CRYBG1: variants seen among roughly 807,000 people sequenced by gnomAD.
CRYBG1 encodes the protein crystallin beta-gamma domain containing 1.
Under a neutral mutation model 189.2 loss-of-function variants are expected in CRYBG1, and 139 were observed. That is an observed-to-expected ratio of 0.73 (90% CI 0.64 to 0.85). The LOEUF is 0.85. Among genes scored for constraint, CRYBG1 ranks in the 40% least tolerant of loss-of-function variants. The pLI, the probability that CRYBG1 is intolerant of heterozygous loss-of-function variation, is 0.00. For synonymous variants in CRYBG1, 1,023 were observed against 1,017.1 expected (o/e 1.01, Z -0.11); for missense variants, 2,611 against 2,675.8 (o/e 0.98, Z 0.53).
chr6:106,364,333 A>C (rs947475864), intron 1 of CRYBG1, among the ~76,000 whole-genome samples: 1 of 90,384 alleles, frequency 1.1e-5, no homozygotes, highest in Non-Finnish European at 2.5e-5. Context: ...ATCTCAAAAA[A>C]TAAAAAAAAA....
chr6:106,516,213 T>C (rs924239903), intron 3 of CRYBG1, among the ~76,000 whole-genome samples: 6 of 151,002 alleles, frequency 4.0e-5, no homozygotes, highest in African/African-American at 1.5e-4. Context: ...GCCTGTCCCT[T>C]CTAGAAGCTC....
intron 2 of CRYBG1, among the ~76,000 whole-genome samples, chr6:106,493,982 G>T (rs1324437321): frequency 1.3e-5 from 2 of 152,118 alleles, no homozygotes; most frequent in South Asian, 2.1e-4. Flanking sequence ...GGAAAAAAAA[G>T]AATATGTGGT....
At chr6:106,477,460 C>CTGAAGCAATGCA in intron 2 of CRYBG1, among the ~76,000 whole-genome samples, 1 of 152,176 alleles carries the variant, frequency 6.6e-6, no homozygotes, top group East Asian at 1.9e-4. Flanking sequence ...TCATGCTTAG[C>CTGAAGCAATGCA]TGAAGCAATG....
intron 8 of CRYBG1, among the ~76,000 whole-genome samples, chr6:106,533,808 T>C (rs1180876028): frequency 6.6e-6 from 1 of 152,084 alleles, no homozygotes; most frequent in Non-Finnish European, 1.5e-5. Flanking sequence ...CAACTGCAAA[T>C]TCAAGTAAGT....
chr6:106,414,275 T>C (rs1770981932), intron 1 of CRYBG1, among the ~76,000 whole-genome samples: 1 of 152,250 alleles, frequency 6.6e-6, no homozygotes, highest in Admixed American at 6.5e-5. Context: ...TAGCAACATA[T>C]CTGGTTTGCT....
At chr6:106,464,699 T>C (rs1772077710) in intron 2 of CRYBG1, among the ~76,000 whole-genome samples, 1 of 152,236 alleles carries the variant, frequency 6.6e-6, no homozygotes, top group Non-Finnish European at 1.5e-5. Flanking sequence ...GACAGTACCA[T>C]TAAAACCAGT....
At chr6:106,475,153 C>G (rs1474409482) in intron 2 of CRYBG1, among the ~76,000 whole-genome samples, 1 of 152,030 alleles carries the variant, frequency 6.6e-6, no homozygotes, top group Non-Finnish European at 1.5e-5. Context: ...AAAAATCACC[C>G]GAATGTTTCA....
chr6:106,482,663 T>C (rs755402094), intron 2 of CRYBG1, among the ~76,000 whole-genome samples: 1 of 152,052 alleles, frequency 6.6e-6, no homozygotes, highest in Non-Finnish European at 1.5e-5. Flanking sequence ...TATTCCCAGC[T>C]ACTTGGGAGG....
intron 2 of CRYBG1, among the ~76,000 whole-genome samples, chr6:106,457,658 G>A (rs2114447390): frequency 6.6e-6 from 1 of 152,266 alleles, no homozygotes; most frequent in Non-Finnish European, 1.5e-5. Flanking sequence ...TGAGCCCTTG[G>A]ACCTACCTTG....
intron 1 of CRYBG1, among the ~76,000 whole-genome samples, chr6:106,375,413 G>A (rs368321250): frequency 4.3e-4 from 61 of 140,488 alleles, no homozygotes; most frequent in African/African-American, 6.4e-4. Context: ...AAGTAAGTAA[G>A]TAAGTAAGTA....
At chr6:106,398,462 T>C (rs1337315247) in intron 1 of CRYBG1, among the ~76,000 whole-genome samples, 2 of 151,832 alleles carry the variant, frequency 1.3e-5, no homozygotes, top group African/African-American at 2.4e-5. Context: ...AATAAATAAA[T>C]AAATAAATAA....
At chr6:106,490,415 T>C (rs1772695312) in intron 2 of CRYBG1, among the ~76,000 whole-genome samples, 1 of 152,150 alleles carries the variant, frequency 6.6e-6, no homozygotes, top group South Asian at 2.1e-4. Context: ...CCTAATAAAA[T>C]AGATTGAGGA....
intron 1 of CRYBG1, among the ~76,000 whole-genome samples, chr6:106,410,515 C>T (rs1770909397): frequency 6.6e-6 from 1 of 152,188 alleles, no homozygotes. Context: ...CCAGCAATCC[C>T]ATTACTGGGT....
chr6:106,388,531 A>G (rs974187486), intron 1 of CRYBG1, among the ~76,000 whole-genome samples: 6 of 152,170 alleles, frequency 3.9e-5, no homozygotes, highest in African/African-American at 1.4e-4. Context: ...AATATTTTGA[A>G]TATGTAATTT....
chr6:106,531,428 A>C (rs1001168638), intron 8 of CRYBG1, among the ~76,000 whole-genome samples: 9 of 152,324 alleles, frequency 5.9e-5, no homozygotes, highest in African/African-American at 2.2e-4. Flanking sequence ...ATTCCATAGG[A>C]GGTCCCAGGA....
intron 2 of CRYBG1, among the ~76,000 whole-genome samples, chr6:106,473,961 T>C (rs1345601110): frequency 6.6e-6 from 1 of 152,244 alleles, no homozygotes; most frequent in Non-Finnish European, 1.5e-5. Flanking sequence ...TATGTCTTTA[T>C]AAGAAGAACA....
intron 1 of CRYBG1, among the ~76,000 whole-genome samples, chr6:106,412,167 A>G (rs1051519589): frequency 1.3e-5 from 2 of 152,228 alleles, no homozygotes; most frequent in African/African-American, 4.8e-5. Flanking sequence ...CTTTTTCAGC[A>G]CTGGCATTTG....
Position 106,521,023 on chromosome 6 carries a change from C to T in CRYBG1, c.3815C>T (p.Thr1272Ile), listed in dbSNP as rs1207239086. ...SVNTMTTAFSTSQNGSLSQSS... is the reference protein window; with the variant it reads ...SVNTMTTAFSISQNGSLSQSS... ...AACACTATGACCACGGCTTTCAGTA[C>T]TTCTCAGAACGGTTCCCTATCTCAG... Residue 1272 changes from threonine (T) to isoleucine (I), a missense_variant, in exon 4 of 22, where the codon ACT becomes ATT. This residue lies in a region of CRYBG1 where 1,622 missense variants were observed against 1,735.0 expected (regional missense o/e 0.93). Transcript: ENST00000633556. 1.9e-6 allele frequency: 3 copies of T among 1,614,168 alleles called. No individual in the cohort carries two copies. The highest frequency in any genetic ancestry group is 1.1e-5 in the South Asian group (1 of 91,082).
At chr6:106,449,199 CT>C (rs1027640553) in intron 1 of CRYBG1, among the ~76,000 whole-genome samples, 1 of 152,106 alleles carries the variant, frequency 6.6e-6, no homozygotes, top group Non-Finnish European at 1.5e-5. Context: ...AGAGATAGGT[CT>C]TTTTTGGAGT....
Sources: allele counts gnomAD v4.1 joint callset (sites outside exome capture counted in the v4.1 genomes callset), GRCh38; gene constraint gnomAD v4.1.1; regional missense constraint gnomAD v4.1.1; transcripts MANE v1.5; gene names NCBI Gene and HGNC (gene_info 2026-07-23, HGNC 2026-07-21).